Variants in RIT2 observed in about 807,000 individuals in gnomAD.
RIT2 encodes the protein Ras like without CAAX 2.
Under a neutral mutation model 23.7 loss-of-function variants are expected in RIT2, and 24 were observed. The observed-to-expected ratio is 1.01, with a 90% CI of 0.73 to 1.43. RIT2 has a LOEUF of 1.43. Ranked by LOEUF, RIT2 falls within the 40% of genes most tolerant of loss-of-function variation. The probability of loss-of-function intolerance (pLI) is 0.00; values close to 1 mark genes in which losing one functional copy is unlikely to be tolerated. For synonymous variants in RIT2, 107 were observed against 91.1 expected, an observed-to-expected ratio of 1.17 and a Z score of -0.99; for missense variants, 236 against 266.9, an observed-to-expected ratio of 0.88 and a Z score of 0.81.
At position 43,049,972 on chromosome 18, in the gene RIT2, C is replaced by CTTTTTTTTTTTTT. The variant is rs755291383; in HGVS notation, c.104-16118_104-16106dup. Among the ~76,000 whole-genome samples the CTTTTTTTTTTTTT allele has an allele frequency of 1.6e-3, 104 of 65,994 alleles. 2 individuals carry two copies. Among genetic ancestry groups the CTTTTTTTTTTTTT allele is most frequent in the South Asian group, 3.3e-3 (4 of 1,228 alleles). 43.3% of individuals were successfully genotyped at this position (65,994 alleles called of 152,430 possible). On this transcript the variant is annotated intron_variant, in intron 1 of 4. Transcript: ENST00000326695. ...CAATGGGTAATTGAGAAGGGATTTC[C>CTTTTTTTTTTTTT]TTTTTTTTTTTTTTTTTTTTTTTTT... is the stretch of plus-strand genomic sequence containing the variant.
At chr18:42,839,037 A>C (rs1234796575) in intron 4 of RIT2, among the ~76,000 whole-genome samples, 2 of 152,194 alleles carry the variant, frequency 1.3e-5, no homozygotes, top group Non-Finnish European at 2.9e-5. Context: ...TGACAAGAGA[A>C]ATGCTAACAT....
chr18:42,933,722 A>T (rs576704346), intron 3 of RIT2, among the ~76,000 whole-genome samples: 135 of 152,230 alleles, frequency 8.9e-4, no homozygotes, highest in Middle Eastern at 3.4e-3. Flanking sequence ...ACTGTAAGTC[A>T]ATTAACCTCT....
At chr18:42,824,274 A>G (rs1215262462) in intron 4 of RIT2, among the ~76,000 whole-genome samples, 1 of 152,100 alleles carries the variant, frequency 6.6e-6, no homozygotes, top group African/African-American at 2.4e-5. Context: ...CACATTTACA[A>G]TTTAAAAGCC....
At chr18:43,026,792 A>C (rs1037545166) in intron 2 of RIT2, among the ~76,000 whole-genome samples, 17 of 152,142 alleles carry the variant, frequency 1.1e-4, no homozygotes, top group African/African-American at 1.9e-4. Context: ...TATAAGTATG[A>C]AATTCAAGAG....
intron 4 of RIT2, among the ~76,000 whole-genome samples, chr18:42,853,533 C>A (rs73471605): frequency 6.6e-6 from 1 of 151,968 alleles, no homozygotes; most frequent in Non-Finnish European, 1.5e-5. Context: ...AAATAAAGAC[C>A]CATAGAATAT....
intron 4 of RIT2, among the ~76,000 whole-genome samples, chr18:42,829,770 A>G (rs1324273535): frequency 6.6e-6 from 1 of 152,194 alleles, no homozygotes. Flanking sequence ...AAAGTAATTA[A>G]AAATAAAATA....
At chr18:43,030,487 A>G (rs148375370) in intron 2 of RIT2, among the ~76,000 whole-genome samples, 61 of 152,182 alleles carry the variant, frequency 4.0e-4, no homozygotes, top group African/African-American at 1.4e-3. Flanking sequence ...AGACCATGAG[A>G]GTCTTCATTT....
In RIT2 at chr18:43,107,791, C is replaced by A. The variant is rs542246587; in HGVS notation, c.103+7626G>T. Among the ~76,000 whole-genome samples, 5 of 152,256 alleles carry A rather than the reference C, an allele frequency of 3.3e-5. 1 individual carries two copies. The highest frequency in any genetic ancestry group is 1.2e-4 in the African/African-American group (5 of 41,550). On this transcript the variant is annotated intron_variant, in intron 1 of 4. Transcript: ENST00000326695. Reference sequence around the variant, plus strand: ...ACTACCCCATCTAATAAGCGTAGCACTCTCCGTTGTTTGTGTAGAAAATTA... The same window carrying A: ...ACTACCCCATCTAATAAGCGTAGCAATCTCCGTTGTTTGTGTAGAAAATTA...
Position 42,896,585 on chromosome 18 carries a change from C to T in RIT2, c.426+26987G>A, listed in dbSNP as rs150517161. 1.1e-4 allele frequency among the ~76,000 whole-genome samples: 17 copies of T among 152,280 alleles called. No homozygotes were observed. In the East Asian group the frequency reaches 1.5e-3, roughly 14 times the overall value. ...CAACATTGTAATACAATCTTGGATGCTCCTTTGAAAAATGTTTTCTGTCTT... is the reference window on the plus strand; with the variant it reads ...CAACATTGTAATACAATCTTGGATGTTCCTTTGAAAAATGTTTTCTGTCTT... On this transcript the variant is annotated intron_variant, in intron 4 of 4. Transcript: ENST00000326695.
chr18:43,113,884 T>C (rs184864968), intron 1 of RIT2, among the ~76,000 whole-genome samples: 4 of 152,254 alleles, frequency 2.6e-5, no homozygotes, highest in Admixed American at 6.5e-5. Context: ...TTTTGCCTGT[T>C]TTTTTTAAAT....
chr18:42,866,641 A>AC (rs1320740027), intron 4 of RIT2, among the ~76,000 whole-genome samples: 1 of 107,558 alleles, frequency 9.3e-6, no homozygotes, highest in Non-Finnish European at 2.1e-5. Context: ...TGCTGTCAGG[A>AC]AAAAAAAAAA....
intron 4 of RIT2, among the ~76,000 whole-genome samples, chr18:42,816,157 T>C (rs560972746): frequency 6.6e-6 from 1 of 150,924 alleles, no homozygotes. Flanking sequence ...AAAAAAAGTC[T>C]GATTTGTAGT....
chr18:42,755,901 C>T (rs1167887008), intron 4 of RIT2, among the ~76,000 whole-genome samples: 1 of 152,120 alleles, frequency 6.6e-6, no homozygotes, highest in Non-Finnish European at 1.5e-5. Context: ...TAGTGGTTCT[C>T]AGCTTCCTGA....
chr18:43,076,088 A>G (rs1472055669), intron 1 of RIT2, among the ~76,000 whole-genome samples: 1 of 152,178 alleles, frequency 6.6e-6, no homozygotes, highest in Non-Finnish European at 1.5e-5. Context: ...CCTTTTTGTG[A>G]TAATATCTAA....
At chr18:42,795,329 G>C (rs1162188081) in intron 4 of RIT2, among the ~76,000 whole-genome samples, 1 of 152,208 alleles carries the variant, frequency 6.6e-6, no homozygotes, top group Non-Finnish European at 1.5e-5. Flanking sequence ...GCTTGGAACA[G>C]ACGGCCGACC....
Position 42,855,670 on chromosome 18 carries a change from C to T in RIT2, c.426+67902G>A, listed in dbSNP as rs116152480. Among the ~76,000 whole-genome samples, 454 of 152,294 alleles carry T rather than the reference C, an allele frequency of 3.0e-3. 2 individuals are homozygous for T. Among genetic ancestry groups the T allele is most frequent in the African/African-American group, 0.01 (435 of 41,580 alleles). ...TATATCTTTTATAAATCTTACCTCT[C>T]ATTTCAAAAAGTTCACAAAGTCTAG... On this transcript the variant is annotated intron_variant, in intron 4 of 4. Coordinates refer to ENST00000326695, the MANE Select transcript of RIT2 (RefSeq NM_002930.4).
chr18:42,780,037 C>T (rs1407614690), intron 4 of RIT2, among the ~76,000 whole-genome samples: 3 of 114,662 alleles, frequency 2.6e-5, no homozygotes, highest in Non-Finnish European at 5.2e-5. Context: ...AGTCAAGTCT[C>T]AATTTAGAGG....
chr18:42,939,111 C>T (rs913527999), intron 3 of RIT2, among the ~76,000 whole-genome samples: 1 of 152,180 alleles, frequency 6.6e-6, no homozygotes, highest in East Asian at 1.9e-4. Flanking sequence ...TAGAATTTTT[C>T]AAATACATTT....
At chr18:42,807,051 T>C (rs186650192) in intron 4 of RIT2, among the ~76,000 whole-genome samples, 34 of 152,332 alleles carry the variant, frequency 2.2e-4, no homozygotes, top group Non-Finnish European at 1.9e-4. Flanking sequence ...ATTGTAACTG[T>C]TCATATTTTC....
Sources: allele counts gnomAD v4.1 joint callset (sites outside exome capture counted in the v4.1 genomes callset), GRCh38; gene constraint gnomAD v4.1.1; transcripts MANE v1.5; gene names NCBI Gene and HGNC (gene_info 2026-07-23, HGNC 2026-07-21).